The following PLCH1 variants were observed in gnomAD, a reference collection of about 807,000 sequenced individuals.
PLCH1 encodes 1-phosphatidylinositol 4,5-bisphosphate phosphodiesterase eta-1.
A neutral mutation model predicts 126.7 loss-of-function variants in PLCH1; 60 were observed. The ratio of observed to expected loss-of-function variants is 0.47; its 90% CI spans 0.38 to 0.59. The LOEUF (loss-of-function observed/expected upper bound fraction) is 0.59, where lower values mean the gene tolerates loss of function less well. PLCH1 is among the 20% of genes least tolerant of loss of function. PLCH1 has a pLI of 0.00. For missense variants in PLCH1, 1,723 were observed against 2,040.0 expected (o/e 0.84, Z 2.99); for synonymous variants, 719 against 734.9 (o/e 0.98, Z 0.35).
chr3:155,512,814 G>T (rs947025670), intron 12 of PLCH1, among the ~76,000 whole-genome samples: 1 of 152,208 alleles, frequency 6.6e-6, no homozygotes, highest in African/African-American at 2.4e-5. Flanking sequence ...ACAGGAGAGT[G>T]ACATGACCAG....
At chr3:155,473,653 T>A (rs1713387632) in intron 21 of PLCH1, among the ~76,000 whole-genome samples, 1 of 151,920 alleles carries the variant, frequency 6.6e-6, no homozygotes, top group Admixed American at 6.5e-5. Flanking sequence ...GCTGGAGGCA[T>A]CACACTCCCT....
intron 2 of PLCH1, among the ~76,000 whole-genome samples, chr3:155,653,118 G>GATAGATATAGATATAGAT (rs11275678): frequency 2.5e-4 from 34 of 138,182 alleles, no homozygotes; most frequent in Non-Finnish European, 3.1e-4. Context: ...TATAGATGTA[G>GATAGATATAGATATAGAT]ATAGATATAG....
chr3:155,742,689 G>C (rs1429149055), intron 1 of PLCH1: 1 of 152,192 alleles, frequency 6.6e-6, no homozygotes, highest in Non-Finnish European at 1.5e-5. Flanking sequence ...TGCTAAACAT[G>C]AGAAAAGGGG....
intron 2 of PLCH1, among the ~76,000 whole-genome samples, chr3:155,633,802 C>T (rs1299821334): frequency 6.6e-6 from 1 of 152,142 alleles, no homozygotes; most frequent in Non-Finnish European, 1.5e-5. Context: ...TGCCTGTAAT[C>T]CCAGCTACTC....
At chr3:155,500,858 A>C (rs1391117124) in intron 13 of PLCH1, 64 bp from the exon 14 acceptor site, 1 of 1,068,866 alleles carries the variant, frequency 9.4e-7, no homozygotes, top group African/African-American at 1.6e-5. Context: ...CAACATGCAG[A>C]GAATGAGCTG....
In PLCH1 at chr3:155,490,860, G is replaced by C; in HGVS notation, c.2316C>G (p.Asp772Glu). Reference sequence around the variant, plus strand: ...CAATAATTTCAACTTCAACAAAAGGGTCAATGATCTATTAAGTAAAGAGAA... The same window carrying C: ...CAATAATTTCAACTTCAACAAAAGGCTCAATGATCTATTAAGTAAAGAGAA... The part of the protein sequence containing the change: ...SMFGDRGEII[D>E]PFVEVEIIGL... Residue 772 changes from aspartate to glutamate, a missense_variant, in exon 19 of 23, where the codon GAC (aspartate) becomes GAG (glutamate). By Grantham distance (45) the Asp-to-Glu change is conservative. Around this residue, in one of 2 missense-constraint regions of PLCH1, gnomAD observed 776 missense variants for 1,062.9 expected, o/e 0.73. Coordinates refer to ENST00000460012, the MANE Select transcript of PLCH1 (RefSeq NM_014996.4). 6.5e-7 allele frequency: 1 copy of C among 1,537,992 alleles called. No individual in the cohort carries two copies. Among genetic ancestry groups the C allele is most frequent in the Non-Finnish European group, 9.0e-7 (1 of 1,111,586 alleles).
intron 2 of PLCH1, among the ~76,000 whole-genome samples, chr3:155,622,715 A>G (rs889513138): frequency 2.4e-4 from 36 of 152,200 alleles, no homozygotes; most frequent in African/African-American, 8.0e-4. Context: ...AGAGCTATCT[A>G]TCCTAAATAT....
At chr3:155,595,988 A>G (rs1466978200) in intron 3 of PLCH1, among the ~76,000 whole-genome samples, 2 of 151,956 alleles carry the variant, frequency 1.3e-5, no homozygotes, top group East Asian at 3.9e-4. Context: ...ATATATATAT[A>G]TATATATCAT....
At chr3:155,522,992 G>A (rs1265466422) in intron 11 of PLCH1, among the ~76,000 whole-genome samples, 2 of 151,420 alleles carry the variant, frequency 1.3e-5, no homozygotes, top group African/African-American at 2.4e-5. Context: ...GGTTGGAGGT[G>A]GGGACGGAGT....
At chr3:155,488,465 G>A (rs1715634442) in intron 20 of PLCH1, among the ~76,000 whole-genome samples, 195 bp downstream of exon 20, 1 of 152,108 alleles carries the variant, frequency 6.6e-6, no homozygotes, top group Admixed American at 6.6e-5. Flanking sequence ...CCAGAGTGCT[G>A]GGATTACAGG....
At chr3:155,588,731 A>G (rs902083868) in intron 4 of PLCH1, among the ~76,000 whole-genome samples, 1 of 152,208 alleles carries the variant, frequency 6.6e-6, no homozygotes, top group Non-Finnish European at 1.5e-5. Context: ...CTGGTAAAGT[A>G]AAAACAGAGG....
chr3:155,647,534 G>GA (rs1740201877), intron 2 of PLCH1, among the ~76,000 whole-genome samples: 1 of 151,772 alleles, frequency 6.6e-6, no homozygotes, highest in African/African-American at 2.4e-5. Flanking sequence ...AGATCAGACA[G>GA]AAAAAAGATC....
intron 2 of PLCH1, among the ~76,000 whole-genome samples, chr3:155,646,807 C>A (rs1740115161): frequency 6.6e-6 from 1 of 152,174 alleles, no homozygotes; most frequent in African/African-American, 2.4e-5. Context: ...GCTCTCTATA[C>A]TCTGAAAAGA....
At chr3:155,593,501 C>G (rs887059707) in intron 4 of PLCH1, among the ~76,000 whole-genome samples, 14 of 152,226 alleles carry the variant, frequency 9.2e-5, no homozygotes, top group African/African-American at 3.4e-4. Context: ...TGCCCAGTAT[C>G]TAATCGCAAC....
chr3:155,702,719 C>T (rs1746365572), intron 2 of PLCH1, among the ~76,000 whole-genome samples: 1 of 152,038 alleles, frequency 6.6e-6, no homozygotes, highest in South Asian at 2.1e-4. Context: ...TAAAAACTGG[C>T]ACAAAATAAA....
intron 1 of PLCH1, among the ~76,000 whole-genome samples, chr3:155,735,369 C>T (rs1749097404): frequency 6.6e-6 from 1 of 150,484 alleles, no homozygotes; most frequent in African/African-American, 2.5e-5. Flanking sequence ...TGCAGTGGCT[C>T]ACGCCTGTAA....
At chr3:155,636,550 C>A (rs1375819306) in intron 2 of PLCH1, among the ~76,000 whole-genome samples, 1 of 151,858 alleles carries the variant, frequency 6.6e-6, no homozygotes, top group Admixed American at 6.6e-5. Flanking sequence ...GAGTTCAAGA[C>A]CAGCTGGCTA....
intron 2 of PLCH1, among the ~76,000 whole-genome samples, chr3:155,669,951 G>A (rs922056546): frequency 1.3e-5 from 2 of 152,164 alleles, no homozygotes; most frequent in African/African-American, 4.8e-5. Context: ...GTTTACATGT[G>A]TGTGTGCATG....
intron 2 of PLCH1, among the ~76,000 whole-genome samples, chr3:155,601,627 T>C (rs1284200244): frequency 1.3e-5 from 2 of 152,218 alleles, no homozygotes; most frequent in African/African-American, 4.8e-5. Context: ...GTTTAATTCT[T>C]CCAATTATGT....
Sources: allele counts gnomAD v4.1 joint callset (sites outside exome capture counted in the v4.1 genomes callset), GRCh38; gene constraint gnomAD v4.1.1; regional missense constraint gnomAD v4.1.1; transcripts MANE v1.5; gene names NCBI Gene and HGNC (gene_info 2026-07-23, HGNC 2026-07-21).